Variants in NXPE4 observed in about 807,000 individuals in gnomAD.
NXPE4 encodes the protein NXPE family member 4.
A neutral mutation model predicts 33.3 loss-of-function variants in NXPE4; 42 were observed. The observed-to-expected ratio is 1.26, with a 90% CI of 0.98 to 1.63. The LOEUF is 1.63. Among genes scored for constraint, NXPE4 ranks in the 40% most tolerant of loss-of-function variants. The probability of loss-of-function intolerance (pLI) is 0.00; values close to 1 mark genes in which losing one functional copy is unlikely to be tolerated. For missense variants in NXPE4, 709 were observed against 647.6 expected (o/e 1.09, Z -1.03); for synonymous variants, 253 against 234.9 (o/e 1.08, Z -0.71).
the NXPE4 span, among the ~76,000 whole-genome samples, chr11:114,639,183 C>G: frequency 2.0e-3 from 305 of 152,130 alleles, 1 homozygote; most frequent in African/African-American, 7.1e-3. Context: ...GGGCACCCCT[C>G]CCCCAGCCTC....
At chr11:114,631,565 C>T in the NXPE4 span, among the ~76,000 whole-genome samples, 1 of 151,502 alleles carries the variant, frequency 6.6e-6, no homozygotes, top group South Asian at 2.1e-4. Context: ...GGAGATATAC[C>T]TAAGGTTAGA....
At chr11:114,633,799 AT>A in the NXPE4 span, among the ~76,000 whole-genome samples, 4 of 151,950 alleles carry the variant, frequency 2.6e-5, no homozygotes, top group Non-Finnish European at 4.4e-5. Flanking sequence ...TGAACTCACC[AT>A]TTTTTATGGC....
At chr11:114,656,007 A>G in the NXPE4 span, among the ~76,000 whole-genome samples, 2 of 152,194 alleles carry the variant, frequency 1.3e-5, no homozygotes, top group Non-Finnish European at 2.9e-5. Context: ...TGCAGATGAC[A>G]TGATCTTATA....
chr11:114,601,845 A>G, the NXPE4 span, among the ~76,000 whole-genome samples: 1 of 56,032 alleles, frequency 1.8e-5, no homozygotes, highest in African/African-American at 8.0e-5. Context: ...TATATATAAT[A>G]TAAAATATAT....
At chr11:114,648,849 A>G in the NXPE4 span, among the ~76,000 whole-genome samples, 2 of 152,346 alleles carry the variant, frequency 1.3e-5, no homozygotes, top group African/African-American at 4.8e-5. Context: ...TAATTTGTAT[A>G]CCATAGTCAA....
At chr11:114,604,081 C>T in the NXPE4 span, among the ~76,000 whole-genome samples, 1 of 151,934 alleles carries the variant, frequency 6.6e-6, no homozygotes, top group Non-Finnish European at 1.5e-5. Flanking sequence ...TAAGAATTGC[C>T]TCATAGGTAA....
the NXPE4 span, among the ~76,000 whole-genome samples, chr11:114,675,946 A>ATGTT: frequency 6.6e-6 from 1 of 151,982 alleles, no homozygotes; most frequent in Admixed American, 6.6e-5. Flanking sequence ...ATAAATCCAC[A>ATGTT]TGTTTACAGT....
At chr11:114,630,065 A>G in the NXPE4 span, among the ~76,000 whole-genome samples, 8 of 151,720 alleles carry the variant, frequency 5.3e-5, no homozygotes, top group Non-Finnish European at 8.8e-5. Context: ...ATGGGTAGGA[A>G]GAATCAATAT....
the NXPE4 span, among the ~76,000 whole-genome samples, chr11:114,639,360 T>G: frequency 6.6e-6 from 1 of 151,984 alleles, no homozygotes; most frequent in Non-Finnish European, 1.5e-5. Context: ...ATTTTCCAGG[T>G]GCCGTCTGTT....
chr11:114,653,538 T>C, the NXPE4 span, among the ~76,000 whole-genome samples: 1 of 149,170 alleles, frequency 6.7e-6, no homozygotes, highest in African/African-American at 2.5e-5. Context: ...TTTCCCTTTT[T>C]TTTTTTTTTT....
the NXPE4 span, among the ~76,000 whole-genome samples, chr11:114,603,482 C>G: frequency 6.6e-6 from 1 of 151,336 alleles, no homozygotes; most frequent in Non-Finnish European, 1.5e-5. Flanking sequence ...TGCCTCGTCT[C>G]CTAGGTAACT....
the NXPE4 span, among the ~76,000 whole-genome samples, chr11:114,642,223 CA>C: frequency 1.3e-5 from 2 of 151,894 alleles, no homozygotes; most frequent in African/African-American, 4.8e-5. Context: ...TCCCCCAGTT[CA>C]AAAAACCCGG....
the NXPE4 span, among the ~76,000 whole-genome samples, chr11:114,645,454 G>A: frequency 6.6e-6 from 1 of 152,066 alleles, no homozygotes. Context: ...GTATTTTCTG[G>A]AGAATAAAAG....
At chr11:114,619,629 G>T in the NXPE4 span, among the ~76,000 whole-genome samples, 1 of 151,566 alleles carries the variant, frequency 6.6e-6, no homozygotes, top group Admixed American at 6.6e-5. Flanking sequence ...TTGCCTCGTG[G>T]GTAACCACTG....
chr11:114,658,228 T>C, the NXPE4 span, among the ~76,000 whole-genome samples: 1 of 152,102 alleles, frequency 6.6e-6, no homozygotes, highest in Non-Finnish European at 1.5e-5. Context: ...AGAACACAAA[T>C]ACTGACTCAC....
At chr11:114,601,815 T>G in the NXPE4 span, among the ~76,000 whole-genome samples, 1 of 70,970 alleles carries the variant, frequency 1.4e-5, no homozygotes, top group African/African-American at 6.6e-5. Context: ...TATTATATAA[T>G]TATATATAAT....
At chr11:114,608,728 T>A in the NXPE4 span, among the ~76,000 whole-genome samples, 4 of 151,818 alleles carry the variant, frequency 2.6e-5, no homozygotes, top group South Asian at 8.3e-4. Flanking sequence ...TACTGCCTCG[T>A]GGGTAACCAC....
chr11:114,657,284 GTCC>G, the NXPE4 span, among the ~76,000 whole-genome samples: 3 of 152,128 alleles, frequency 2.0e-5, no homozygotes, highest in African/African-American at 7.2e-5. Context: ...TTAGCCAGGG[GTCC>G]CCTTGGGAGA....
the NXPE4 span, among the ~76,000 whole-genome samples, chr11:114,653,518 C>CTTG: frequency 6.7e-6 from 1 of 148,936 alleles, no homozygotes; most frequent in Non-Finnish European, 1.5e-5. Flanking sequence ...TAGGACTACC[C>CTTG]TTGTCCTGCT....
Sources: gnomAD v4.1 joint callset for allele counts (sites outside exome capture counted in the v4.1 genomes callset) on GRCh38, gnomAD v4.1.1 for gene constraint, MANE v1.5 for transcripts, NCBI Gene and HGNC (gene_info 2026-07-23, HGNC 2026-07-21) for gene names.